Variants in EFCAB6 observed in about 807,000 individuals in gnomAD.
The protein encoded by EFCAB6 is EF-hand calcium binding domain 6, also known as EF-hand calcium-binding domain-containing protein 6.
A neutral mutation model predicts 169.8 loss-of-function variants in EFCAB6; 156 were observed. The observed-to-expected ratio is 0.92, with a 90% CI of 0.81 to 1.05. EFCAB6 has a LOEUF of 1.05. Ranked by LOEUF, EFCAB6 falls within the 50% of genes least tolerant of loss-of-function variation. EFCAB6 has a pLI of 0.00. For synonymous variants in EFCAB6, 698 were observed against 676.4 expected, an observed-to-expected ratio of 1.03 and a Z score of -0.50; for missense variants, 1,800 against 1,829.1, an observed-to-expected ratio of 0.98 and a Z score of 0.29.
intron 22 of EFCAB6, among the ~76,000 whole-genome samples, chr22:43,607,830 G>T (rs2147617842): frequency 6.6e-6 from 1 of 152,320 alleles, no homozygotes; most frequent in Non-Finnish European, 1.5e-5. Context: ...GTTGGGTCTG[G>T]AACTTGGAAA....
intron 27 of EFCAB6, among the ~76,000 whole-genome samples, chr22:43,547,038 T>G (rs1026722129): frequency 6.6e-6 from 1 of 151,962 alleles, no homozygotes; most frequent in Non-Finnish European, 1.5e-5. Context: ...AGAAGAAAGG[T>G]CTAAGGTGTG....
At chr22:43,799,129 C>A (rs149169467) in intron 2 of EFCAB6, among the ~76,000 whole-genome samples, 2 of 151,726 alleles carry the variant, frequency 1.3e-5, no homozygotes, top group Non-Finnish European at 2.9e-5. Flanking sequence ...AAGTTCAAGA[C>A]TAGCATGGGC....
intron 6 of EFCAB6, among the ~76,000 whole-genome samples, chr22:43,748,285 C>T (rs1461914147): frequency 6.6e-6 from 1 of 152,208 alleles, no homozygotes; most frequent in Non-Finnish European, 1.5e-5. Context: ...AAAACCTGGC[C>T]TTCAAATGCA....
intron 6 of EFCAB6, among the ~76,000 whole-genome samples, chr22:43,755,065 T>C (rs1316252520): frequency 6.6e-6 from 1 of 152,226 alleles, no homozygotes; most frequent in East Asian, 1.9e-4. Context: ...TTTTTGAGTA[T>C]GAAATATATG....
At chr22:43,630,684 G>A (rs35740369) in intron 19 of EFCAB6, among the ~76,000 whole-genome samples, 11,754 of 152,232 alleles carry the variant, frequency 0.077, 575 homozygotes, top group South Asian at 0.17. Context: ...CTTTGCCTCC[G>A]TTCTGCTCTC....
At chr22:43,567,128 TCG>T (rs2049494075) in intron 26 of EFCAB6, among the ~76,000 whole-genome samples, 2 of 132,956 alleles carry the variant, frequency 1.5e-5, no homozygotes, top group Non-Finnish European at 3.3e-5. Context: ...ATCATCCTCC[TCG>T]TCCTCCTCAT....
chr22:43,622,796 G>A (rs2054198166), intron 20 of EFCAB6, among the ~76,000 whole-genome samples: 1 of 152,086 alleles, frequency 6.6e-6, no homozygotes, highest in African/African-American at 2.4e-5. Context: ...GAATCACCTG[G>A]CAGGATGAGA....
At chr22:43,667,633 T>C (rs2057322025) in intron 16 of EFCAB6, among the ~76,000 whole-genome samples, 1 of 152,098 alleles carries the variant, frequency 6.6e-6, no homozygotes, top group African/African-American at 2.4e-5. Context: ...GGATATTTTT[T>C]GTGAAGTGGA....
chr22:43,749,536 G>A (rs111891762), intron 6 of EFCAB6, among the ~76,000 whole-genome samples: 1 of 152,052 alleles, frequency 6.6e-6, no homozygotes, highest in Admixed American at 6.5e-5. Context: ...CATAAGGAGC[G>A]TGCAACGTAG....
At chr22:43,654,918 T>C (rs1276313954) in intron 17 of EFCAB6, among the ~76,000 whole-genome samples, 1 of 152,060 alleles carries the variant, frequency 6.6e-6, no homozygotes, top group Non-Finnish European at 1.5e-5. Flanking sequence ...GTAGATTCAT[T>C]TGACAAATTA....
Position 43,594,942 on chromosome 22 carries a change from T to C in EFCAB6, c.2877-4713A>G, listed in dbSNP as rs187897543. Among the ~76,000 whole-genome samples, 349 of 152,142 alleles carry C rather than the reference T, an allele frequency of 2.3e-3. 1 individual carries two copies. The highest frequency in any genetic ancestry group is 7.8e-3 in the African/African-American group (324 of 41,510). Reference sequence around the variant, plus strand: ...ATCATATCAAGTATCTTTTCTAAAATGGAATAAAACTAGAAATCAATAAAA... The same window carrying C: ...ATCATATCAAGTATCTTTTCTAAAACGGAATAAAACTAGAAATCAATAAAA... On this transcript the variant is annotated intron_variant, in intron 23 of 31. Coordinates refer to ENST00000262726, the MANE Select transcript of EFCAB6 (RefSeq NM_022785.4).
At chr22:43,676,796 G>C (rs997503238) in intron 13 of EFCAB6, among the ~76,000 whole-genome samples, 25 of 152,140 alleles carry the variant, frequency 1.6e-4, no homozygotes, top group African/African-American at 6.0e-4. Context: ...CCAAGACCAT[G>C]ATCAAAAACC....
Position 43,628,656 on chromosome 22 carries a change from C to T in EFCAB6, c.2233-1977G>A, listed in dbSNP as rs376681411. On this transcript the variant is annotated intron_variant, in intron 19 of 31. Transcript: ENST00000262726. The surrounding 1 kb of genome is among the most constrained non-coding windows in gnomAD (Gnocchi z 4.8). ...ACAGGCCGAGCCTGCTTCAGGGTAT[C>T]GCAGGGAGCCCTCTCCAGTGTCCGC... Among the ~76,000 whole-genome samples the T allele has an allele frequency of 5.9e-5, 9 of 152,178 alleles. No individual in the cohort carries two copies. Among genetic ancestry groups the T allele is most frequent in the African/African-American group, 1.7e-4 (7 of 41,522 alleles).
intron 17 of EFCAB6, among the ~76,000 whole-genome samples, chr22:43,636,994 A>G (rs1181998734): frequency 6.6e-6 from 1 of 152,160 alleles, no homozygotes; most frequent in Non-Finnish European, 1.5e-5. Flanking sequence ...GGAGATGAAA[A>G]TGGACAGGAA....
chr22:43,680,464 T>G (rs1292625329), intron 12 of EFCAB6, among the ~76,000 whole-genome samples: 2 of 150,862 alleles, frequency 1.3e-5, no homozygotes, highest in Non-Finnish European at 3.0e-5. Flanking sequence ...TCAGACAGCT[T>G]TTCAAAAGCA....
Position 43,711,528 on chromosome 22 carries a change from G to A in EFCAB6, c.978C>T (p.Leu326=), listed in dbSNP as rs373479963. 146 of 1,605,376 alleles carry A rather than the reference G, an allele frequency of 9.1e-5. No individual in the cohort carries two copies. Among genetic ancestry groups the A allele is most frequent in the South Asian group, 1.6e-4 (14 of 88,662 alleles). The change falls in exon 10 of 32, where the codon CTC becomes CTT. Residue 326 remains leucine (L), a synonymous_variant. Transcript: ENST00000262726. ...TTGGTATTTGGTATACAAAAGTGTC[G>A]AGGACAATCTTTAGATAATTAAAAG... The part of the protein sequence containing the change: ...YVSFNYLKIV[L]DTFVYQIPRR...
chr22:43,747,352 C>T (rs66718526), intron 6 of EFCAB6, among the ~76,000 whole-genome samples: 19,577 of 152,140 alleles, frequency 0.13, 1,392 homozygotes, highest in South Asian at 0.25. Flanking sequence ...ACTATGCTAA[C>T]GTACATTGTG....
Position 43,565,343 on chromosome 22 carries a change from G to A in EFCAB6, c.3421-10247C>T, listed in dbSNP as rs150347409. ...CTGAATGAATGGATGTTATTGTTTC[G>A]TGGCCCTGAGGGTTTATGGTTGCTT... On this transcript the variant is annotated intron_variant, in intron 26 of 31. Coordinates refer to ENST00000262726, the MANE Select transcript of EFCAB6 (RefSeq NM_022785.4). Among the ~76,000 whole-genome samples, 121 of 152,336 alleles carry A rather than the reference G, an allele frequency of 7.9e-4. 1 individual carries two copies. The highest frequency in any genetic ancestry group is 2.6e-3 in the African/African-American group (110 of 41,576).
intron 27 of EFCAB6, 36 bp from the exon 28 acceptor site, chr22:43,540,393 G>A: frequency 6.2e-7 from 1 of 1,612,518 alleles, no homozygotes; most frequent in Non-Finnish European, 8.5e-7. Context: ...CCAGGTGTCA[G>A]TGCAAACACA....
Sources: gnomAD v4.1 joint callset for allele counts (sites outside exome capture counted in the v4.1 genomes callset) on GRCh38, gnomAD v4.1.1 for gene constraint, Gnocchi (gnomAD v3.1) non-coding constraint, MANE v1.5 for transcripts, NCBI Gene and HGNC (gene_info 2026-07-23, HGNC 2026-07-21) for gene names.